Variants in SNAP91 observed in about 807,000 individuals in gnomAD.
SNAP91 encodes synaptosome associated protein 91.
SNAP91 carries 27 observed loss-of-function variants against 100.3 expected under a neutral mutation model. The ratio of observed to expected loss-of-function variants is 0.27; its 90% CI spans 0.20 to 0.37. The LOEUF is 0.37. Among genes scored for constraint, SNAP91 ranks in the 10% least tolerant of loss-of-function variants. The pLI is 1.00. For synonymous variants in SNAP91, 404 were observed against 398.6 expected, an observed-to-expected ratio of 1.01 and a Z score of -0.16; for missense variants, 986 against 1,123.7, an observed-to-expected ratio of 0.88 and a Z score of 1.75.
intron 28 of SNAP91, among the ~76,000 whole-genome samples, chr6:83,559,814 C>G (rs1241318994): frequency 6.6e-6 from 1 of 152,168 alleles, no homozygotes; most frequent in African/African-American, 2.4e-5. Context: ...CAGAAGCATT[C>G]ATTTCTCTGG....
chr6:83,699,785 C>T (rs953775749), intron 2 of SNAP91, among the ~76,000 whole-genome samples: 4 of 152,044 alleles, frequency 2.6e-5, no homozygotes, highest in Admixed American at 6.6e-5. Flanking sequence ...ATGCAGCCCC[C>T]GTCAAACAAA....
At chr6:83,634,700 T>C (rs185851869) in intron 8 of SNAP91, among the ~76,000 whole-genome samples, 1 of 152,350 alleles carries the variant, frequency 6.6e-6, no homozygotes, top group East Asian at 1.9e-4. Flanking sequence ...ATTAGTTTGT[T>C]CTTGTTTTTC....
intron 26 of SNAP91, among the ~76,000 whole-genome samples, chr6:83,572,380 G>A (rs1042602808): frequency 1.3e-5 from 2 of 152,108 alleles, no homozygotes; most frequent in Non-Finnish European, 2.9e-5. Flanking sequence ...CTGAGTAGCT[G>A]AGAATACAGG....
chr6:83,613,516 A>G (rs1013167399), intron 11 of SNAP91, among the ~76,000 whole-genome samples: 6 of 152,234 alleles, frequency 3.9e-5, no homozygotes, highest in Non-Finnish European at 5.9e-5. Flanking sequence ...AGGTGCTCCA[A>G]TGGGGCCATA....
At chr6:83,640,716 G>T (rs2097662043) in intron 8 of SNAP91, among the ~76,000 whole-genome samples, 1 of 152,024 alleles carries the variant, frequency 6.6e-6, no homozygotes, top group South Asian at 2.1e-4. Context: ...TACATGCTAA[G>T]AATAATAAAC....
intron 28 of SNAP91, among the ~76,000 whole-genome samples, chr6:83,559,343 G>T (rs1783620734): frequency 6.6e-6 from 1 of 152,150 alleles, no homozygotes; most frequent in Non-Finnish European, 1.5e-5. Context: ...AAGCTCAGGT[G>T]AGCTTGCGAT....
intron 9 of SNAP91, among the ~76,000 whole-genome samples, chr6:83,620,009 T>A (rs1440737333): frequency 6.6e-6 from 1 of 152,210 alleles, no homozygotes; most frequent in South Asian, 2.1e-4. Flanking sequence ...AAAACAGTTA[T>A]TTTTGAATGT....
chr6:83,624,189 G>A (rs566235523), intron 8 of SNAP91, among the ~76,000 whole-genome samples: 2 of 152,048 alleles, frequency 1.3e-5, no homozygotes, highest in Non-Finnish European at 2.9e-5. Flanking sequence ...AAGAGAGAAG[G>A]GAGGAAAAGC....
At chr6:83,698,556 A>C (rs957248510) in intron 2 of SNAP91, among the ~76,000 whole-genome samples, 1 of 152,138 alleles carries the variant, frequency 6.6e-6, no homozygotes, top group Non-Finnish European at 1.5e-5. Flanking sequence ...TAGTAAAATT[A>C]AGAGAAAAAC....
intron 2 of SNAP91, among the ~76,000 whole-genome samples, chr6:83,680,620 T>C (rs1235506000): frequency 2.0e-5 from 3 of 152,178 alleles, no homozygotes; most frequent in Admixed American, 2.0e-4. Context: ...ATATACAAGT[T>C]TGCGGGTATT....
chr6:83,624,046 T>A (rs1286806405), intron 8 of SNAP91, among the ~76,000 whole-genome samples: 1 of 152,092 alleles, frequency 6.6e-6, no homozygotes, highest in Non-Finnish European at 1.5e-5. Context: ...CTCTTGCCAT[T>A]GCAAACAGTG....
At chr6:83,614,832 A>G in intron 11 of SNAP91, 25 bp downstream of exon 11, 1 of 1,558,906 alleles carries the variant, frequency 6.4e-7, no homozygotes, top group Non-Finnish European at 8.6e-7. Context: ...CCAAATGCAA[A>G]AAACTCACTC....
At chr6:83,628,611 C>T (rs2097073689) in intron 8 of SNAP91, among the ~76,000 whole-genome samples, 1 of 151,870 alleles carries the variant, frequency 6.6e-6, no homozygotes. Flanking sequence ...TTGCATTTCC[C>T]TGATCGTTAG....
At chr6:83,609,188 G>C (rs2095834305) in intron 12 of SNAP91, among the ~76,000 whole-genome samples, 1 of 151,836 alleles carries the variant, frequency 6.6e-6, no homozygotes, top group Non-Finnish European at 1.5e-5. Flanking sequence ...GTAAGAGCTA[G>C]GAAAACAGAA....
intron 7 of SNAP91, among the ~76,000 whole-genome samples, chr6:83,649,457 G>A (rs2128629496): frequency 6.6e-6 from 1 of 152,290 alleles, no homozygotes; most frequent in South Asian, 2.1e-4. Flanking sequence ...AGAAATCAAG[G>A]TGTCTCTTAC....
intron 9 of SNAP91, among the ~76,000 whole-genome samples, chr6:83,619,154 G>T (rs1584174836): frequency 6.6e-6 from 1 of 151,822 alleles, no homozygotes; most frequent in East Asian, 1.9e-4. Context: ...ATTTGATCAA[G>T]GAATACAAGA....
intron 2 of SNAP91, among the ~76,000 whole-genome samples, chr6:83,704,423 A>G (rs1199042693): frequency 6.6e-6 from 1 of 152,204 alleles, no homozygotes; most frequent in Non-Finnish European, 1.5e-5. Flanking sequence ...GTCACTGAAA[A>G]AAGAAAAAAA....
In SNAP91 at chr6:83,697,371, C is replaced by T. The variant is rs568110304; in HGVS notation, c.130+10427G>A. 1.6e-3 allele frequency among the ~76,000 whole-genome samples: 234 copies of T among 142,582 alleles called. 1 individual carries two copies. The highest frequency in any genetic ancestry group is 2.8e-3 in the African/African-American group (106 of 38,366). The allele number at this position is 142,582 out of a possible 152,430, so 93.5% of individuals were successfully genotyped here. ...ACACACACACACACACACACAATGC[C>T]GGCAAAGGATTTTCTCTAATACTAA... On this transcript the variant is annotated intron_variant, in intron 2 of 29. Transcript: ENST00000369694.
intron 3 of SNAP91, among the ~76,000 whole-genome samples, chr6:83,665,031 G>T (rs142612480): frequency 5.5e-4 from 83 of 152,142 alleles, no homozygotes; most frequent in African/African-American, 1.6e-3. Flanking sequence ...AGCAATAAAG[G>T]ATTTTTAAAT....
Sources: allele counts gnomAD v4.1 joint callset (sites outside exome capture counted in the v4.1 genomes callset), GRCh38; gene constraint gnomAD v4.1.1; transcripts MANE v1.5; gene names NCBI Gene and HGNC (gene_info 2026-07-23, HGNC 2026-07-21).